The following ABCB8 variants were observed in gnomAD, a reference collection of about 807,000 sequenced individuals.
ABCB8 encodes the protein ATP binding cassette subfamily B member 8.
ABCB8 carries 52 observed loss-of-function variants against 73.0 expected under a neutral mutation model. The ratio of observed to expected loss-of-function variants is 0.71; its 90% confidence interval spans 0.57 to 0.90. The LOEUF (loss-of-function observed/expected upper bound fraction) is 0.90, where lower values mean the gene tolerates loss of function less well. Ranked by LOEUF, ABCB8 falls within the 40% of genes least tolerant of loss-of-function variation. The pLI, the probability that ABCB8 is intolerant of heterozygous loss-of-function variation, is 0.00. For synonymous variants in ABCB8, 428 were observed against 423.5 expected (o/e 1.01, Z -0.13); for missense variants, 909 against 974.6 (o/e 0.93, Z 0.90).
At chr7:151,034,021 G>T in intron 2 of ABCB8, 104 bp downstream of exon 2, 1 of 1,385,030 alleles carries the variant, frequency 7.2e-7, no homozygotes, top group Admixed American at 2.6e-5. Flanking sequence ...GCTCAGGGGA[G>T]CAGCAAGGGC....
rs974562402 is a variant in ABCB8 at position 151,041,306 on chromosome 7, G to A, written c.1617+74G>A. On this transcript the variant is annotated intron_variant, in intron 13 of 15. Transcript: ENST00000358849. The stretch of plus-strand genomic sequence containing the variant: ...TGGGCCCTGCCCCCTTAGTCCTCAG[G>A]TGCCTTTTCTTTCTTTCCCACCCTC... 1.1e-4 allele frequency: 157 copies of A among 1,488,978 alleles called. 1 individual carries two copies. The highest frequency in any genetic ancestry group is 1.3e-4 in the Non-Finnish European group (145 of 1,125,216). The allele number at this position is 1,488,978 out of a possible 1,614,324, so 92.2% of individuals were successfully genotyped here.
intron 9 of ABCB8, chr7:151,038,507 CAAAAA>C (rs1248237803): frequency 4.3e-5 from 6 of 140,606 alleles, no homozygotes; most frequent in Non-Finnish European, 6.2e-5. Context: ...GACTCCGTCT[CAAAAA>C]AAAAAAAAGA....
rs753199337 is a variant in ABCB8, at chr7:151,040,235, A to G, written c.1218-33A>G. ...CCCTCCTCTGGCTCTTCTTGTTCCC[A>G]TCTATTCCACCCCTCTCTCCTTTTT... On this transcript the variant is annotated intron_variant, in intron 9 of 15. Coordinates refer to ENST00000358849, the MANE Select transcript of ABCB8 (RefSeq NM_007188.5). The G allele has an allele frequency of 4.4e-6, 7 of 1,606,040 alleles. No individual in the cohort carries two copies. In the South Asian group the frequency reaches 5.6e-5, roughly 13 times the overall value.
In ABCB8 at chr7:151,033,776, C is replaced by T. The variant is rs372064397; in HGVS notation, c.267C>T (p.His89=). The part of the protein sequence containing the change: ...LGPMVLSKHP[H]LCLVALCEAE... ...CCATGGTACTGAGTAAGCATCCCCA[C>T]CTCTGCCTTGTGGCCCTGTGTGAGG... Residue 89 remains histidine, a synonymous_variant, in exon 2 of 16, where the codon CAC becomes CAT. Transcript: ENST00000358849. The T allele has an allele frequency of 5.6e-6, 9 of 1,614,020 alleles. No homozygotes were observed. The highest frequency in any genetic ancestry group is 4.0e-5 in the African/African-American group (3 of 74,938).
rs989909614 is a variant in ABCB8, at chr7:151,045,259, C to T, written c.2067C>T (p.Leu689=). The T allele has an allele frequency of 1.2e-6, 2 of 1,604,856 alleles. No individual in the cohort carries two copies. The highest frequency in any genetic ancestry group is 1.7e-5 in the Admixed American group (1 of 58,986). Residue 689 remains leucine, a synonymous_variant, in exon 16 of 16, where the codon CTC becomes CTT. Transcript: ENST00000358849. ...LLKKGGLYAE[L]IRRQALDAPR... ...AGAAAGGCGGGCTATACGCCGAGCT[C>T]ATCCGGAGGCAGGCCCTGGATGCCC...
rs902418166 is a variant in ABCB8, at chr7:151,028,896, T to A, written c.95+286T>A. The A allele has an allele frequency of 2.7e-6, 4 of 1,478,234 alleles. No individual in the cohort carries two copies. The African/African-American group carries it at 5.5e-5, about 20-fold the overall frequency. 91.6% of individuals were successfully genotyped at this position (1,478,234 alleles called of 1,614,324 possible). Reference sequence around the variant, plus strand: ...TCCGCACTCCCGACCGGGGGTCCCCTTTCCTGGCCCTGGAGGTGATTGCGC... The same window carrying A: ...TCCGCACTCCCGACCGGGGGTCCCCATTCCTGGCCCTGGAGGTGATTGCGC... On this transcript the variant is annotated intron_variant, in intron 1 of 15. Coordinates refer to ENST00000358849, the MANE Select transcript of ABCB8 (RefSeq NM_007188.5).
chr7:151,044,091 C>T lies in ABCB8; in HGVS notation c.1886C>T (p.Ser629Phe). The change falls in exon 15 of 16, where the codon TCC (serine) becomes TTC (phenylalanine). Residue 629 changes from serine (S) to phenylalanine (F), a missense_variant. Coordinates refer to ENST00000358849, the MANE Select transcript of ABCB8 (RefSeq NM_007188.5). ...DEATSALDAE[S>F]ERVVQEALDR... Reference sequence around the variant, plus strand: ...GCTACCAGCGCGCTGGATGCAGAGTCCGAGCGGGTTGTACAGGAGGCCCTG... The same window carrying T: ...GCTACCAGCGCGCTGGATGCAGAGTTCGAGCGGGTTGTACAGGAGGCCCTG... The T allele has an allele frequency of 6.2e-7, 1 of 1,613,844 alleles. No homozygotes were observed. Among genetic ancestry groups the T allele is most frequent in the Non-Finnish European group, 8.5e-7 (1 of 1,179,970 alleles).
At chr7:151,034,936 T>C in intron 5 of ABCB8, 107 bp downstream of exon 5, 1 of 989,658 alleles carries the variant, frequency 1.0e-6, no homozygotes, top group Non-Finnish European at 1.5e-6. Context: ...GACAGGCGCA[T>C]GCTGACTCGA....
At chr7:151,037,395 C>T in intron 9 of ABCB8, 3 of 698,636 alleles carry the variant, frequency 4.3e-6, no homozygotes, top group Non-Finnish European at 5.2e-6. Context: ...CCACACACCC[C>T]ACCCTTATAG....
In ABCB8 at chr7:151,041,271, C is replaced by T. The variant is rs755453153; in HGVS notation, c.1617+39C>T. ...TGGGCAGCCCTTGGCTCCCACTGCC[C>T]GTCCTCCCCTGGGCCCTGCCCCCTT... On this transcript the variant is annotated intron_variant, in intron 13 of 15. Coordinates refer to ENST00000358849, the MANE Select transcript of ABCB8 (RefSeq NM_007188.5). The T allele has an allele frequency of 4.6e-5, 73 of 1,572,196 alleles. No individual in the cohort carries two copies. In the South Asian group the frequency reaches 7.1e-4, roughly 15 times the overall value.
intron 15 of ABCB8, 64 bp downstream of exon 15, chr7:151,044,285 A>G (rs760954907): frequency 9.7e-5 from 151 of 1,562,240 alleles, no homozygotes; most frequent in Non-Finnish European, 1.2e-4. Context: ...CAGTGGCACA[A>G]TGCTGCAATG....
chr7:151,042,921 C>T (rs1796507279), intron 14 of ABCB8, among the ~76,000 whole-genome samples: 1 of 152,234 alleles, frequency 6.6e-6, no homozygotes, highest in African/African-American at 2.4e-5. Context: ...TCTCCCACAT[C>T]TCTTTTGGGT....
rs1796545701 is a variant in ABCB8 at position 151,043,998 on chromosome 7, G to T, written c.1793G>T (p.Gly598Val). ...VGERGTTLSG[G>V]QKQRLAIARA... ...GAACGGGGCACTACCCTGTCTGGGG[G>T]CCAGAAGCAGCGCCTGGCCATCGCC... Residue 598 changes from glycine to valine, a missense_variant, in exon 15 of 16, where the codon GGC becomes GTC. Transcript: ENST00000358849. The T allele has an allele frequency of 6.2e-7, 1 of 1,612,546 alleles. No individual in the cohort carries two copies. Among genetic ancestry groups the T allele is most frequent in the Non-Finnish European group, 8.5e-7 (1 of 1,179,736 alleles).
At position 151,044,094 on chromosome 7, in the gene ABCB8, A is replaced by T. The variant is rs779060538; in HGVS notation, c.1889A>T (p.Glu630Val). The T allele has an allele frequency of 1.4e-5, 23 of 1,613,674 alleles. No homozygotes were observed. Among genetic ancestry groups the T allele is most frequent in the Non-Finnish European group, 1.7e-5 (20 of 1,179,980 alleles). The stretch of plus-strand genomic sequence containing the variant: ...ACCAGCGCGCTGGATGCAGAGTCCG[A>T]GCGGGTTGTACAGGAGGCCCTGGAC... ...EATSALDAES[E>V]RVVQEALDRA... is the part of the protein sequence containing the mutation. The change falls in exon 15 of 16, where the codon GAG becomes GTG. Residue 630 changes from glutamate (E) to valine (V), a missense_variant. Glu to Val is a moderately radical substitution (Grantham distance 121). Transcript: ENST00000358849.
intron 9 of ABCB8, chr7:151,037,044 C>A: frequency 1.5e-6 from 1 of 687,226 alleles, no homozygotes; most frequent in East Asian, 2.7e-5. Context: ...TGTCACCGTC[C>A]GCCTCCAGAA....
Position 151,034,383 on chromosome 7 carries a change from G to A in ABCB8, c.519G>A (p.Glu173=), listed in dbSNP as rs1796246549. 4 of 1,613,996 alleles carry A rather than the reference G, an allele frequency of 2.5e-6. No homozygotes were observed. Among genetic ancestry groups the A allele is most frequent in the South Asian group, 2.2e-5 (2 of 91,080 alleles). The change falls in exon 3 of 16, where the codon GAG becomes GAA. Residue 173 remains glutamate (E), a synonymous_variant. Coordinates refer to ENST00000358849, the MANE Select transcript of ABCB8 (RefSeq NM_007188.5). ...ACCACGTAGGGAGTTTCATGACTGA[G>A]TCCCAGAATCTCAGCACCCACCTGC... is the stretch of plus-strand genomic sequence containing the variant. ...TRDHVGSFMT[E]SQNLSTHLLI...
chr7:151,028,979 G>A, intron 1 of ABCB8: 1 of 1,238,914 alleles, frequency 8.1e-7, no homozygotes, highest in Non-Finnish European at 1.0e-6. Context: ...GGTGCTTCCA[G>A]GATTCAAAGT....
intron 14 of ABCB8, among the ~76,000 whole-genome samples, chr7:151,042,878 A>G (rs915928052): frequency 6.6e-6 from 1 of 152,138 alleles, no homozygotes; most frequent in African/African-American, 2.4e-5. Context: ...GTGTTGATAC[A>G]CTGTCCAGAT....
rs1796548695 is a variant in ABCB8, at chr7:151,044,083, T to TG, written c.1879dup (p.Ala627GlyfsTer51). The TG allele has an allele frequency of 6.2e-7, 1 of 1,613,692 alleles. No individual in the cohort carries two copies. The highest frequency in any genetic ancestry group is 1.3e-5 in the African/African-American group (1 of 74,924). On this transcript the variant is annotated frameshift_variant, in exon 15 of 16. Transcript: ENST00000358849. LOFTEE classifies it high-confidence loss of function. Reference sequence around the variant, plus strand: ...TGGATGAAGCTACCAGCGCGCTGGATGCAGAGTCCGAGCGGGTTGTACAGG... The same window carrying TG: ...TGGATGAAGCTACCAGCGCGCTGGATGGCAGAGTCCGAGCGGGTTGTACAGG...
Sources: gnomAD v4.1 joint callset for allele counts (sites outside exome capture counted in the v4.1 genomes callset) on GRCh38, gnomAD v4.1.1 for gene constraint, MANE v1.5 for transcripts, NCBI Gene and HGNC (gene_info 2026-07-23, HGNC 2026-07-21) for gene names.